MARCHF1: variants seen among roughly 807,000 people sequenced by gnomAD.
The protein encoded by MARCHF1 is E3 ubiquitin-protein ligase MARCHF1.
A neutral mutation model predicts 54.2 loss-of-function variants in MARCHF1; 40 were observed. The ratio of observed to expected loss-of-function variants is 0.74; its 90% CI spans 0.57 to 0.96. The LOEUF is 0.96. Among genes scored for constraint, MARCHF1 ranks in the 40% least tolerant of loss-of-function variants. The pLI, the probability that MARCHF1 is intolerant of heterozygous loss-of-function variation, is 0.00. For synonymous variants in MARCHF1, 236 were observed against 236.3 expected, an observed-to-expected ratio of 1.00 and a Z score of 0.01; for missense variants, 586 against 656.5, an observed-to-expected ratio of 0.89 and a Z score of 1.17.
At chr4:163,935,329 G>A (rs1751769906) in intron 3 of MARCHF1, among the ~76,000 whole-genome samples, 1 of 152,068 alleles carries the variant, frequency 6.6e-6, no homozygotes. Flanking sequence ...AGACCTAGGT[G>A]GTAACATCTT....
intron 4 of MARCHF1, among the ~76,000 whole-genome samples, chr4:163,744,221 G>T (rs911853197): frequency 2.0e-5 from 3 of 152,084 alleles, no homozygotes. Flanking sequence ...GAATTTTCAC[G>T]GCATTTTATC....
chr4:164,069,040 G>A (rs186216893), intron 2 of MARCHF1, among the ~76,000 whole-genome samples: 259 of 150,980 alleles, frequency 1.7e-3, no homozygotes, highest in South Asian at 0.011. Flanking sequence ...TGCACCAACC[G>A]GCACTCTGTA....
intron 2 of MARCHF1, among the ~76,000 whole-genome samples, chr4:163,997,440 TA>T (rs1433362474): frequency 1.3e-5 from 2 of 151,980 alleles, no homozygotes; most frequent in Non-Finnish European, 2.9e-5. Context: ...TTGAGCTCTG[TA>T]AAAATAAACA....
intron 2 of MARCHF1, among the ~76,000 whole-genome samples, chr4:164,006,777 T>A (rs909784556): frequency 8.6e-5 from 13 of 151,734 alleles, no homozygotes; most frequent in African/African-American, 3.1e-4. Flanking sequence ...TTCTGGAGAC[T>A]TCTCAACAGA....
At chr4:163,958,244 AGTGTGTGTGT>A (rs58660279) in intron 3 of MARCHF1, among the ~76,000 whole-genome samples, 3 of 148,430 alleles carry the variant, frequency 2.0e-5, no homozygotes, top group African/African-American at 4.9e-5. Context: ...CAATCAAGTG[AGTGTGTGTGT>A]GTGTGTGTGT....
At chr4:164,117,547 T>G (rs1489639517) in intron 1 of MARCHF1, among the ~76,000 whole-genome samples, 1 of 151,980 alleles carries the variant, frequency 6.6e-6, no homozygotes, top group Admixed American at 6.6e-5. Context: ...CATAGCACAA[T>G]TGTGAGATAA....
At chr4:164,021,184 G>T (rs1184416974) in intron 2 of MARCHF1, among the ~76,000 whole-genome samples, 2 of 151,434 alleles carry the variant, frequency 1.3e-5, no homozygotes, top group Non-Finnish European at 2.9e-5. Flanking sequence ...ATTGAGGCAG[G>T]TTGTTAGAGA....
chr4:164,287,165 A>G (rs1218168682), intron 1 of MARCHF1, among the ~76,000 whole-genome samples: 1 of 149,650 alleles, frequency 6.7e-6, no homozygotes, highest in South Asian at 2.1e-4. Flanking sequence ...ATATATATAT[A>G]TAATAAATGA....
intron 3 of MARCHF1, among the ~76,000 whole-genome samples, chr4:163,890,470 C>A (rs1750637607): frequency 6.6e-6 from 1 of 151,968 alleles, no homozygotes; most frequent in African/African-American, 2.4e-5. Flanking sequence ...TCAGATCAAA[C>A]CTTCATTCTT....
At chr4:163,862,762 A>G (rs1023354593) in intron 3 of MARCHF1, among the ~76,000 whole-genome samples, 4 of 152,124 alleles carry the variant, frequency 2.6e-5, no homozygotes, top group African/African-American at 9.6e-5. Context: ...AAACATGCAC[A>G]CATATGCTTA....
chr4:163,814,183 C>T (rs1295990339), intron 4 of MARCHF1, among the ~76,000 whole-genome samples: 1 of 152,160 alleles, frequency 6.6e-6, no homozygotes, highest in African/African-American at 2.4e-5. Flanking sequence ...CATGCACTTG[C>T]CCTTTCGACC....
At chr4:163,808,629 C>T (rs926365786) in intron 4 of MARCHF1, among the ~76,000 whole-genome samples, 1 of 152,018 alleles carries the variant, frequency 6.6e-6, no homozygotes, top group African/African-American at 2.4e-5. Context: ...AGTGCAGTGG[C>T]GTGATCTCGG....
chr4:164,274,312 GTT>G (rs1283214159), intron 1 of MARCHF1, among the ~76,000 whole-genome samples: 1 of 152,096 alleles, frequency 6.6e-6, no homozygotes, highest in Non-Finnish European at 1.5e-5. Context: ...ATACCTTCAA[GTT>G]TGCTCTTAGC....
At chr4:163,997,925 TACACACACACACACACACAC>T (rs5863648) in intron 2 of MARCHF1, among the ~76,000 whole-genome samples, 1 of 148,220 alleles carries the variant, frequency 6.7e-6, no homozygotes, top group Admixed American at 6.7e-5. Context: ...TTGCCTTAAA[TACACACACACACACACACAC>T]ACACACACAC....
chr4:163,654,036 G>C (rs1158052310), intron 5 of MARCHF1, among the ~76,000 whole-genome samples: 4 of 151,730 alleles, frequency 2.6e-5, no homozygotes, highest in Non-Finnish European at 5.9e-5. Flanking sequence ...GAACCACCAT[G>C]AATAGAAATC....
At chr4:164,197,799 T>C (rs1373917960) in intron 1 of MARCHF1, 15 of 1,591,682 alleles carry the variant, frequency 9.4e-6, no homozygotes, top group Non-Finnish European at 1.1e-5. Context: ...TTTAGGACTT[T>C]GAAGACTCAA....
At chr4:163,719,465 A>G (rs1745373483) in intron 4 of MARCHF1, among the ~76,000 whole-genome samples, 1 of 152,104 alleles carries the variant, frequency 6.6e-6, no homozygotes, top group African/African-American at 2.4e-5. Context: ...AGTCTTTGCT[A>G]TTGTGAATAC....
chr4:164,050,911 C>T (rs967726977), intron 2 of MARCHF1, among the ~76,000 whole-genome samples: 20 of 151,974 alleles, frequency 1.3e-4, no homozygotes, highest in Non-Finnish European at 2.4e-4. Flanking sequence ...CCAGCCTGGG[C>T]AACACAGCAA....
intron 4 of MARCHF1, among the ~76,000 whole-genome samples, chr4:163,768,515 G>A (rs564440481): frequency 5.8e-4 from 88 of 152,316 alleles, no homozygotes; most frequent in South Asian, 1.2e-3. Context: ...TGTCAAACAT[G>A]AAGATTGTTC....
Sources: allele counts gnomAD v4.1 joint callset (sites outside exome capture counted in the v4.1 genomes callset), GRCh38; gene constraint gnomAD v4.1.1; transcripts MANE v1.5; gene names NCBI Gene and HGNC (gene_info 2026-07-23, HGNC 2026-07-21).